SLC25A26: variants seen among roughly 807,000 people sequenced by gnomAD.
The protein encoded by SLC25A26 is solute carrier family 25 member 26.
In SLC25A26, 36 loss-of-function variants were observed where a neutral mutation model predicts 37.8. That is an observed-to-expected ratio of 0.95 (90% CI 0.73 to 1.26). The LOEUF (loss-of-function observed/expected upper bound fraction) is 1.26. Ranked by LOEUF, SLC25A26 falls within the 50% of genes most tolerant of loss-of-function variation. The pLI is 0.00. For missense variants in SLC25A26, 390 were observed against 331.1 expected, an observed-to-expected ratio of 1.18 and a Z score of -1.38; for synonymous variants, 129 against 122.5, an observed-to-expected ratio of 1.05 and a Z score of -0.35.
chr3:66,275,136 T>C (rs1329015152), intron 5 of SLC25A26, among the ~76,000 whole-genome samples: 2 of 151,112 alleles, frequency 1.3e-5, no homozygotes, highest in African/African-American at 2.4e-5. Context: ...TCATTCTCAG[T>C]AAACTATCGC....
chr3:66,187,042 C>T (rs1319925521), intron 1 of SLC25A26, among the ~76,000 whole-genome samples: 4 of 152,036 alleles, frequency 2.6e-5, no homozygotes, highest in African/African-American at 9.7e-5. Flanking sequence ...GGATACTATT[C>T]TCACATCAGC....
upstream of SLC25A26, chr3:66,220,976 T>C (rs1336541103): frequency 6.4e-6 from 7 of 1,090,776 alleles, no homozygotes; most frequent in Non-Finnish European, 9.4e-6. Flanking sequence ...TGGTTCTACG[T>C]CACGTGGTCC....
At position 66,377,452 on chromosome 3, in the gene SLC25A26, C is replaced by T. The variant is rs115084961; in HGVS notation, c.708-238C>T. On this transcript the variant is annotated intron_variant, in intron 9 of 9. Transcript: ENST00000354883. Reference sequence around the variant, plus strand: ...CCTTCCAGCCTTACCTAGGATTCAGCTCTTTAACACCTTTTTAAAAAAAAT... The same window carrying T: ...CCTTCCAGCCTTACCTAGGATTCAGTTCTTTAACACCTTTTTAAAAAAAAT... 4.5e-3 allele frequency among the ~76,000 whole-genome samples: 690 copies of T among 152,004 alleles called. 6 individuals carry two copies. The highest frequency in any genetic ancestry group is 0.016 in the African/African-American group (663 of 41,460).
rs139926606 is a variant in SLC25A26 at position 66,327,523 on chromosome 3, G to C, written c.454-18841G>C. Among the ~76,000 whole-genome samples the C allele has an allele frequency of 1.2e-3, 188 of 152,132 alleles. 3 individuals are homozygous for C. The highest frequency in any genetic ancestry group is 8.9e-3 in the Admixed American group (136 of 15,282). On this transcript the variant is annotated intron_variant, in intron 5 of 9. Coordinates refer to ENST00000354883, the MANE Select transcript of SLC25A26 (RefSeq NM_001379210.1). ...TTCTCCAAAAATAAAAATGAAACGT[G>C]TATATAAAATAATTCATTTGTTATA...
chr3:66,370,706 CTT>C, intron 9 of SLC25A26, 104 bp downstream of exon 9: 1 of 840,592 alleles, frequency 1.2e-6, no homozygotes. Context: ...TTATGTTCTG[CTT>C]TGAGTTTCTA....
intron 5 of SLC25A26, chr3:66,324,166 G>T (rs1262486817): frequency 6.7e-6 from 1 of 149,796 alleles, no homozygotes; most frequent in Non-Finnish European, 1.5e-5. Context: ...AAGACTCCCT[G>T]TTTGTTAAAA....
chr3:66,189,878 TG>T (rs1288445081), intron 1 of SLC25A26, among the ~76,000 whole-genome samples: 1 of 152,134 alleles, frequency 6.6e-6, no homozygotes, highest in East Asian at 1.9e-4. Flanking sequence ...TTGCCCAGGC[TG>T]GTCTGGAACT....
At chr3:66,362,756 A>G in intron 6 of SLC25A26, 104 bp from the exon 7 acceptor site, 2 of 662,920 alleles carry the variant, frequency 3.0e-6, no homozygotes, top group Admixed American at 6.9e-5. Context: ...AATGCCACCA[A>G]AATAGCTTCT....
At chr3:66,368,423 G>C (rs1348436393) in intron 7 of SLC25A26, among the ~76,000 whole-genome samples, 2 of 152,150 alleles carry the variant, frequency 1.3e-5, no homozygotes, top group Non-Finnish European at 2.9e-5. Context: ...TCTGTGTACA[G>C]TTCAGCCATC....
Position 66,356,017 on chromosome 3 carries a change from T to C in SLC25A26, c.499-6843T>C, listed in dbSNP as rs562019305. The C allele has an allele frequency of 2.5e-4, 114 of 456,226 alleles. 1 individual carries two copies. The highest frequency in any genetic ancestry group is 1.7e-3 in the South Asian group (107 of 64,566). The allele number at this position is 456,226 out of a possible 1,614,324, so 28.3% of individuals were successfully genotyped here. ...TGTATAAAAAGCATATAGTAAAATA[T>C]CATCATCTTGTAGGGTTGGAAGCCA... is the stretch of plus-strand genomic sequence containing the variant. On this transcript the variant is annotated intron_variant, in intron 6 of 9. Coordinates refer to ENST00000354883, the MANE Select transcript of SLC25A26 (RefSeq NM_001379210.1).
chr3:66,236,554 T>C lies in SLC25A26; in HGVS notation c.44T>C (p.Val15Ala). The change falls in exon 2 of 10, where the codon GTA becomes GCA. Residue 15 changes from valine (V) to alanine (A), a missense_variant. Transcript: ENST00000354883. ...GFVAALVAGGVAGVSVDLILF... is the reference protein window; with the variant it reads ...GFVAALVAGGAAGVSVDLILF... Reference sequence around the variant, plus strand: ...CTTTTTTTTTCAAAGGCTGGTGGGGTAGCAGGTGTTTCTGTTGACTTGATA... The same window carrying C: ...CTTTTTTTTTCAAAGGCTGGTGGGGCAGCAGGTGTTTCTGTTGACTTGATA... 1 of 1,461,462 alleles carries C rather than the reference T, an allele frequency of 6.8e-7. No homozygotes were observed. Among genetic ancestry groups the C allele is most frequent in the Non-Finnish European group, 9.1e-7 (1 of 1,096,454 alleles). 90.5% of individuals were successfully genotyped at this position (1,461,462 alleles called of 1,614,324 possible). A position where few individuals can be genotyped will look rare whatever the true frequency, so the allele number is the denominator to read the frequency against.
At chr3:66,299,664 G>A (rs765999093) in intron 5 of SLC25A26, among the ~76,000 whole-genome samples, 1 of 152,152 alleles carries the variant, frequency 6.6e-6, no homozygotes, top group Non-Finnish European at 1.5e-5. Flanking sequence ...ATGTGTGCAT[G>A]AGGTGTGTGT....
intron 5 of SLC25A26, among the ~76,000 whole-genome samples, chr3:66,315,122 T>A (rs906117705): frequency 2.1e-4 from 31 of 150,878 alleles, no homozygotes; most frequent in African/African-American, 7.6e-4. Flanking sequence ...GTTTATCTCC[T>A]TCAGTTCTGC....
intron 5 of SLC25A26, among the ~76,000 whole-genome samples, chr3:66,311,920 G>C (rs1167816617): frequency 6.6e-6 from 1 of 152,110 alleles, no homozygotes. Context: ...TTTATGAGGT[G>C]TCTGTTGAAC....
rs1700772704 is a variant in SLC25A26 at position 66,377,947 on chromosome 3, A to T, written c.*140A>T. ...AAGATACCGGCATGGAGATTGTGCC[A>T]TCCGTGGTATAGGCTGGCTGGTATG... On this transcript the variant is annotated 3_prime_UTR_variant, in exon 10 of 10. Coordinates refer to ENST00000354883, the MANE Select transcript of SLC25A26 (RefSeq NM_001379210.1). 1.5e-6 allele frequency: 1 copy of T among 668,278 alleles called. No individual in the cohort carries two copies. Among genetic ancestry groups the T allele is most frequent in the East Asian group, 2.6e-5 (1 of 38,544 alleles). The allele number at this position is 668,278 out of a possible 1,614,324, so 41.4% of individuals were successfully genotyped here.
chr3:66,343,061 G>C (rs2076244961), intron 5 of SLC25A26, among the ~76,000 whole-genome samples: 1 of 152,134 alleles, frequency 6.6e-6, no homozygotes, highest in Non-Finnish European at 1.5e-5. Flanking sequence ...GCCTACATCT[G>C]TTTGGGGGTA....
intron 3 of SLC25A26, among the ~76,000 whole-genome samples, chr3:66,245,925 C>T (rs953102346): frequency 8.5e-5 from 13 of 152,200 alleles, no homozygotes; most frequent in African/African-American, 3.1e-4. Context: ...TAAAACATCT[C>T]TCCCCAAAGG....
chr3:66,339,755 A>G lies in SLC25A26; in HGVS notation c.454-6609A>G, dbSNP rs141986684. 5.1e-3 allele frequency among the ~76,000 whole-genome samples: 781 copies of G among 152,152 alleles called. 11 individuals carry two copies. The highest frequency in any genetic ancestry group is 0.014 in the African/African-American group (573 of 41,558). On this transcript the variant is annotated intron_variant, in intron 5 of 9. Coordinates refer to ENST00000354883, the MANE Select transcript of SLC25A26 (RefSeq NM_001379210.1). ...GTTGAATGCTTTATATATTCTGGAT[A>G]TTAACCCCTTATCAGATACATGATT... is the stretch of plus-strand genomic sequence containing the variant.
intron 1 of SLC25A26, among the ~76,000 whole-genome samples, chr3:66,151,365 C>G (rs1252684824): frequency 6.6e-6 from 1 of 152,134 alleles, no homozygotes; most frequent in Non-Finnish European, 1.5e-5. Context: ...GAGATAAGAA[C>G]AAAAGGCATT....
Sources: allele counts gnomAD v4.1 joint callset (sites outside exome capture counted in the v4.1 genomes callset), GRCh38; gene constraint gnomAD v4.1.1; transcripts MANE v1.5; gene names NCBI Gene and HGNC (gene_info 2026-07-23, HGNC 2026-07-21).